Variants in TMEM131 observed in about 807,000 individuals in gnomAD.
The protein encoded by TMEM131 is 2610524E03Rik.
In TMEM131, 66 loss-of-function variants were observed where a neutral mutation model predicts 211.6. The ratio of observed to expected loss-of-function variants is 0.31; its 90% CI spans 0.26 to 0.38. The LOEUF is 0.38. Ranked by LOEUF, TMEM131 falls within the 10% of genes least tolerant of loss-of-function variation. TMEM131 has a pLI of 1.00. For missense variants in TMEM131, 2,036 were observed against 2,299.3 expected (o/e 0.89, Z 2.34); for synonymous variants, 844 against 841.3 (o/e 1.00, Z -0.06).
At chr2:97,941,165 T>A (rs1677708299) in intron 1 of TMEM131, among the ~76,000 whole-genome samples, 1 of 152,074 alleles carries the variant, frequency 6.6e-6, no homozygotes, top group Non-Finnish European at 1.5e-5. Context: ...TCAGAAATAA[T>A]ACAACACATC....
At position 97,794,831 on chromosome 2, in the gene TMEM131, CAT is replaced by C. The variant is rs1034099795; in HGVS notation, c.3386+97_3386+98del. ...GGCAGAGTTCTGTCTTGTTTGCTGG[CAT>C]ATCCTAGCACTCAGAACAGTGGCTG... On this transcript the variant is annotated intron_variant, in intron 29 of 40. Transcript: ENST00000186436. 7.1e-6 allele frequency: 7 copies of C among 981,570 alleles called. No individual in the cohort carries two copies. The African/African-American group carries it at 1.2e-4, about 16-fold the overall frequency. The allele number at this position is 981,570 out of a possible 1,614,324, so 60.8% of individuals were successfully genotyped here. A position where few individuals can be genotyped will look rare whatever the true frequency, so the allele number is the denominator to read the frequency against.
At chr2:97,785,599 C>T (rs1023073104) in intron 31 of TMEM131, among the ~76,000 whole-genome samples, 52 of 152,166 alleles carry the variant, frequency 3.4e-4, no homozygotes, top group African/African-American at 9.7e-4. Flanking sequence ...TTAGAGAAAA[C>T]GTTTTTGCAG....
rs376405816 is a variant in TMEM131 at position 97,776,802 on chromosome 2, G to A, written c.4145-784C>T. On this transcript the variant is annotated intron_variant, in intron 31 of 40. Coordinates refer to ENST00000186436, the MANE Select transcript of TMEM131 (RefSeq NM_015348.2). Reference sequence around the variant, plus strand: ...TCCCAGCAGTGTAGCCATAATGGCTGGGTGCAAACCCTGGCAGCTTTCTAC... The same window carrying A: ...TCCCAGCAGTGTAGCCATAATGGCTAGGTGCAAACCCTGGCAGCTTTCTAC... Among the ~76,000 whole-genome samples, 51 of 152,304 alleles carry A rather than the reference G, an allele frequency of 3.3e-4. 2 individuals carry two copies. In the East Asian group the frequency reaches 7.9e-3, roughly 24 times the overall value.
At chr2:97,945,180 G>C (rs1031910378) in intron 1 of TMEM131, among the ~76,000 whole-genome samples, 2 of 152,198 alleles carry the variant, frequency 1.3e-5, no homozygotes, top group Non-Finnish European at 2.9e-5. Context: ...GATGAATCTT[G>C]AGGACTAATG....
intron 1 of TMEM131, among the ~76,000 whole-genome samples, chr2:97,955,429 C>T (rs558826418): frequency 6.1e-4 from 93 of 152,030 alleles, no homozygotes; most frequent in African/African-American, 2.1e-3. Flanking sequence ...CAGCACAGTA[C>T]TAGAAATTCT....
intron 1 of TMEM131, among the ~76,000 whole-genome samples, chr2:97,978,016 G>A (rs546552496): frequency 4.5e-4 from 69 of 152,268 alleles, no homozygotes; most frequent in African/African-American, 1.6e-3. Flanking sequence ...GAACCCGGGA[G>A]GTGGAGGTTG....
chr2:97,787,370 C>A (rs1022544963), intron 31 of TMEM131, among the ~76,000 whole-genome samples: 1 of 152,216 alleles, frequency 6.6e-6, no homozygotes, highest in African/African-American at 2.4e-5. Flanking sequence ...AATGGGTTCT[C>A]TGAACATATG....
intron 5 of TMEM131, among the ~76,000 whole-genome samples, chr2:97,853,205 A>C (rs1673696452): frequency 6.6e-6 from 1 of 152,186 alleles, no homozygotes; most frequent in Non-Finnish European, 1.5e-5. Context: ...TACACTGCTT[A>C]AGGCTATAGC....
At chr2:97,980,817 T>C (rs1340063934) in intron 1 of TMEM131, among the ~76,000 whole-genome samples, 1 of 151,758 alleles carries the variant, frequency 6.6e-6, no homozygotes, top group Admixed American at 6.6e-5. Flanking sequence ...AACCATACAA[T>C]CTCAAATTAT....
Position 97,797,350 on chromosome 2 carries a change from T to C in TMEM131, c.2870+15A>G, listed in dbSNP as rs748169738. The C allele has an allele frequency of 6.3e-7, 1 of 1,577,290 alleles. No individual in the cohort carries two copies. The highest frequency in any genetic ancestry group is 8.6e-7 in the Non-Finnish European group (1 of 1,165,614). The stretch of plus-strand genomic sequence containing the variant: ...AGTAGTAAAAATGAACCCACACCTA[T>C]ATCACAGAACCTACCTGACTATGAT... On this transcript the variant is annotated intron_variant, in intron 26 of 40. Transcript: ENST00000186436.
Position 97,887,938 on chromosome 2 carries a change from T to C in TMEM131, c.359+114A>G, listed in dbSNP as rs910041660. ...CAGTATCATTTGTTTTCCTGATGACTAGAACATGTAACTTTCCCACATAGA... is the reference window on the plus strand; with the variant it reads ...CAGTATCATTTGTTTTCCTGATGACCAGAACATGTAACTTTCCCACATAGA... On this transcript the variant is annotated intron_variant, in intron 4 of 40. Coordinates refer to ENST00000186436, the MANE Select transcript of TMEM131 (RefSeq NM_015348.2). The C allele has an allele frequency of 1.0e-5, 8 of 780,196 alleles. No individual in the cohort carries two copies. The African/African-American group carries it at 1.2e-4, about 12-fold the overall frequency. The allele number at this position is 780,196 out of a possible 1,614,324, so 48.3% of individuals were successfully genotyped here.
At chr2:97,805,809 A>G in intron 19 of TMEM131, 106 bp from the exon 20 acceptor site, 1 of 1,025,124 alleles carries the variant, frequency 9.8e-7, no homozygotes, top group Non-Finnish European at 1.4e-6. Context: ...CAAAGCCCAA[A>G]AGACATCTTA....
chr2:97,785,022 G>T (rs1184209153), intron 31 of TMEM131, among the ~76,000 whole-genome samples: 4 of 152,146 alleles, frequency 2.6e-5, no homozygotes, highest in Admixed American at 6.5e-5. Flanking sequence ...TAGATGAAAT[G>T]ATGGACCACT....
intron 1 of TMEM131, among the ~76,000 whole-genome samples, chr2:97,942,507 G>GA (rs746177154): frequency 0.35 from 51,034 of 147,766 alleles, 9,443 homozygotes; most frequent in Middle Eastern, 0.49. Context: ...AAAAAGAAAA[G>GA]AAAGAAACAG....
At chr2:97,973,676 G>A (rs1408113691) in intron 1 of TMEM131, among the ~76,000 whole-genome samples, 1 of 152,196 alleles carries the variant, frequency 6.6e-6, no homozygotes, top group East Asian at 1.9e-4. Flanking sequence ...AAAAGGATTA[G>A]AGGAACAATG....
At chr2:97,864,706 GA>G (rs940489267) in intron 4 of TMEM131, among the ~76,000 whole-genome samples, 2 of 152,166 alleles carry the variant, frequency 1.3e-5, no homozygotes, top group African/African-American at 2.4e-5. Context: ...AAAACAGTGA[GA>G]AGCCCTTGGG....
chr2:97,760,699 T>C lies in TMEM131; in HGVS notation c.5012-10A>G, dbSNP rs763865860. 3.7e-6 allele frequency: 6 copies of C among 1,613,930 alleles called. No individual in the cohort carries two copies. In the East Asian group the frequency reaches 8.9e-5, roughly 24 times the overall value. ...GCAAAGCCATTCCCACCTGTAACAA[T>C]GGACGTTCAATCAATGGAAGGCACA... is the stretch of plus-strand genomic sequence containing the variant. On this transcript the variant is annotated splice_polypyrimidine_tract_variant and intron_variant, in intron 37 of 40. Transcript: ENST00000186436.
chr2:97,954,806 C>CAAAAAAAAAAAAAAAAA (rs778680522), intron 1 of TMEM131, among the ~76,000 whole-genome samples: 12 of 37,008 alleles, frequency 3.2e-4, no homozygotes, highest in Non-Finnish European at 4.3e-4. Context: ...AACTCCATCT[C>CAAAAAAAAAAAAAAAAA]AAAAAAAAAA....
Position 97,796,885 on chromosome 2 carries a change from C to T in TMEM131, c.2972G>A (p.Arg991His), listed in dbSNP as rs1034399069. 2 of 1,613,794 alleles carry T rather than the reference C, an allele frequency of 1.2e-6. No homozygotes were observed. The highest frequency in any genetic ancestry group is 1.7e-6 in the Non-Finnish European group (2 of 1,179,850). ...TAACAATGCTTCCGTGATTTTAAAG[C>T]GTAAGGAGCTTCCTGGACCTGGAAG... ...GKLPGPGSSLRFKITEALLKD... is the reference protein window; with the variant it reads ...GKLPGPGSSLHFKITEALLKD... Residue 991 changes from arginine (R) to histidine (H), a missense_variant, in exon 27 of 41, where the codon CGC (arginine) becomes CAC (histidine). By Grantham distance (29) the Arg-to-His change is conservative (BLOSUM62 0). Coordinates refer to ENST00000186436, the MANE Select transcript of TMEM131 (RefSeq NM_015348.2).
Sources: allele counts gnomAD v4.1 joint callset (sites outside exome capture counted in the v4.1 genomes callset), GRCh38; gene constraint gnomAD v4.1.1; transcripts MANE v1.5; gene names NCBI Gene and HGNC (gene_info 2026-07-23, HGNC 2026-07-21).